PAK3: variants seen among roughly 807,000 people sequenced by gnomAD.
PAK3 encodes the protein p21 (RAC1) activated kinase 3, also known as serine/threonine-protein kinase PAK 3.
PAK3 carries 4 observed loss-of-function variants against 41.0 expected under a neutral mutation model. The ratio of observed to expected loss-of-function variants is 0.10; its 90% CI spans 0.05 to 0.22. The LOEUF (loss-of-function observed/expected upper bound fraction) is 0.22. PAK3 is among the 10% of genes least tolerant of loss of function. The pLI is 1.00. For synonymous variants in PAK3, 146 were observed against 139.6 expected (o/e 1.05, Z -0.32); for missense variants, 205 against 409.9 (o/e 0.50, Z 4.32).
chrX:111,160,749 G>C (rs2094170771), intron 8 of PAK3, among the ~76,000 whole-genome samples: 1 of 111,440 alleles, frequency 9.0e-6, no homozygotes, highest in African/African-American at 3.3e-5. Flanking sequence ...AGTTTGCTGA[G>C]AATGATGGTT....
intron 1 of PAK3, among the ~76,000 whole-genome samples, chrX:110,951,195 T>A (rs1020401446): frequency 1.9e-4 from 21 of 112,315 alleles, no homozygotes; most frequent in African/African-American, 6.8e-4. Context: ...CTGCTTCTGA[T>A]AATGAGGATC....
At chrX:111,065,030 T>C (rs1569296540) in intron 1 of PAK3, among the ~76,000 whole-genome samples, 1 of 112,369 alleles carries the variant, frequency 8.9e-6, no homozygotes, top group Non-Finnish European at 1.9e-5. Context: ...CTTATTTTTC[T>C]ATTTGGATGC....
In PAK3 at chrX:110,997,051, G is replaced by A. The variant is rs186912480; in HGVS notation, c.-28+52423G>A. Among the ~76,000 whole-genome samples, 191 of 111,857 alleles carry A rather than the reference G, an allele frequency of 1.7e-3. 1 individual carries two copies. Among genetic ancestry groups the A allele is most frequent in the Admixed American group, 3.0e-3 (32 of 10,511 alleles). The stretch of plus-strand genomic sequence containing the variant: ...ATAGATCTGCAGCTATTTGGATGAC[G>A]AACTTTTAAGGCAAAGAAGAGTCTG... On this transcript the variant is annotated intron_variant, in intron 1 of 14. Transcript: ENST00000425146.
chrX:111,221,389 T>A lies in PAK3; in HGVS notation c.*942T>A, dbSNP rs1260740392. On this transcript the variant is annotated 3_prime_UTR_variant, in exon 18 of 18. Coordinates refer to ENST00000372007, the MANE Select transcript of PAK3 (RefSeq NM_002578.5). ...GAAATCCTCATAGGAGAAACCACAT[T>A]TAAACAAAGATGGGACTTTCTCTGA... 9.0e-6 allele frequency: 1 copy of A among 111,723 alleles called. No individual in the cohort carries two copies. Among genetic ancestry groups the A allele is most frequent in the Non-Finnish European group, 1.9e-5 (1 of 53,056 alleles). 9.2% of individuals were successfully genotyped at this position (111,723 alleles called of 1,213,427 possible). A position where few individuals can be genotyped will look rare whatever the true frequency, so the allele number is the denominator to read the frequency against.
intron 1 of PAK3, among the ~76,000 whole-genome samples, chrX:111,009,564 C>T (rs1032649411): frequency 9.0e-6 from 1 of 111,560 alleles, no homozygotes; most frequent in Admixed American, 9.5e-5. Context: ...GAATCACAGT[C>T]CTGTTTGTTA....
intron 1 of PAK3, among the ~76,000 whole-genome samples, chrX:111,048,499 C>A (rs1303655701): frequency 9.0e-6 from 1 of 111,444 alleles, no homozygotes; most frequent in Non-Finnish European, 1.9e-5. Context: ...TTTATCATGG[C>A]CAAAAACACC....
At chrX:110,967,143 T>G (rs1320962873) in intron 1 of PAK3, among the ~76,000 whole-genome samples, 3 of 112,673 alleles carry the variant, frequency 2.7e-5, no homozygotes, top group African/African-American at 9.7e-5. Context: ...GAATACCATG[T>G]GTCCCTGACT....
intron 1 of PAK3, among the ~76,000 whole-genome samples, chrX:110,999,486 C>T (rs760761284): frequency 2.0e-3 from 225 of 110,510 alleles, no homozygotes; most frequent in Admixed American, 5.5e-3. Flanking sequence ...TAAATAAACC[C>T]CTTGGGACTG....
At chrX:110,999,035 C>G (rs1441450356) in intron 1 of PAK3, among the ~76,000 whole-genome samples, 1 of 111,608 alleles carries the variant, frequency 9.0e-6, no homozygotes, top group Non-Finnish European at 1.9e-5. Flanking sequence ...TTCCAGGGAG[C>G]AGACAGGCTG....
Position 110,987,676 on chromosome X carries a change from G to A in PAK3, c.-28+43048G>A, listed in dbSNP as rs750184763. Among the ~76,000 whole-genome samples, 138 of 111,790 alleles carry A rather than the reference G, an allele frequency of 1.2e-3. 2 individuals are homozygous for A. The highest frequency in any genetic ancestry group is 1.8e-3 in the Non-Finnish European group (96 of 53,116). On this transcript the variant is annotated intron_variant, in intron 1 of 14. Transcript: ENST00000425146. Reference sequence around the variant, plus strand: ...TGGAAACAGTAAAAACCTGATATTAGTACAAAATATTTTTATTGTCATTGT... The same window carrying A: ...TGGAAACAGTAAAAACCTGATATTAATACAAAATATTTTTATTGTCATTGT...
intron 4 of PAK3, among the ~76,000 whole-genome samples, chrX:111,106,472 G>A (rs759005561): frequency 9.9e-5 from 11 of 110,888 alleles, no homozygotes; most frequent in Non-Finnish European, 1.3e-4. Flanking sequence ...ACACTCTCCC[G>A]TAATCCACCA....
intron 1 of PAK3, among the ~76,000 whole-genome samples, chrX:111,058,493 G>A (rs2092625062): frequency 9.0e-6 from 1 of 111,371 alleles, no homozygotes; most frequent in Non-Finnish European, 1.9e-5. Flanking sequence ...TTGAAGAAAT[G>A]TTCATTCAGA....
At chrX:111,062,181 A>AT (rs950562715) in intron 1 of PAK3, among the ~76,000 whole-genome samples, 1 of 110,262 alleles carries the variant, frequency 9.1e-6, no homozygotes, top group African/African-American at 3.3e-5. Flanking sequence ...TTTTAAACCT[A>AT]TTTTTTCTCT....
intron 8 of PAK3, among the ~76,000 whole-genome samples, chrX:111,155,500 CA>C (rs369169590): frequency 0.06 from 3,230 of 54,035 alleles, 61 homozygotes; most frequent in Middle Eastern, 0.089. Context: ...AACCCTGTCT[CA>C]AAAAAAAAAA....
At chrX:110,964,639 A>G (rs2091045283) in intron 1 of PAK3, among the ~76,000 whole-genome samples, 1 of 112,216 alleles carries the variant, frequency 8.9e-6, no homozygotes, top group Non-Finnish European at 1.9e-5. Flanking sequence ...TAGAATGAGA[A>G]CATTGTGAGT....
At chrX:111,049,615 G>A (rs1207405124) in intron 1 of PAK3, among the ~76,000 whole-genome samples, 1 of 112,044 alleles carries the variant, frequency 8.9e-6, no homozygotes, top group African/African-American at 3.2e-5. Flanking sequence ...TGCATTTAAA[G>A]GCATTTAATA....
At chrX:111,006,573 A>T (rs2091927599) in intron 1 of PAK3, among the ~76,000 whole-genome samples, 1 of 111,957 alleles carries the variant, frequency 8.9e-6, no homozygotes, top group Non-Finnish European at 1.9e-5. Context: ...TTAAAAAATA[A>T]AAAATAAAAC....
At chrX:111,109,192 T>A (rs1389496893) in intron 4 of PAK3, among the ~76,000 whole-genome samples, 3 of 112,174 alleles carry the variant, frequency 2.7e-5, no homozygotes, top group Non-Finnish European at 5.6e-5. Context: ...CATGGAGTTG[T>A]TAAGAGGATG....
rs5985581 is a variant in PAK3 at position 111,043,940 on chromosome X, A to C, written c.-27-79137A>C. On this transcript the variant is annotated intron_variant, in intron 1 of 14. Coordinates refer to the PAK3 transcript ENST00000425146. ...ATGCCCTTAGAGTGAAAGCAGCTAC[A>C]TCCATGCTTACTCATCTCTTTAGGT... 1.0e-3 allele frequency among the ~76,000 whole-genome samples: 113 copies of C among 112,186 alleles called. 1 individual carries two copies. The highest frequency in any genetic ancestry group is 3.6e-3 in the African/African-American group (110 of 30,934).
Sources: allele counts gnomAD v4.1 joint callset (sites outside exome capture counted in the v4.1 genomes callset), GRCh38; gene constraint gnomAD v4.1.1; transcripts MANE v1.5; gene names NCBI Gene and HGNC (gene_info 2026-07-23, HGNC 2026-07-21).